CAMK1D: variants seen among roughly 807,000 people sequenced by gnomAD.
The protein encoded by CAMK1D is calcium/calmodulin-dependent protein kinase type 1D.
CAMK1D carries 9 observed loss-of-function variants against 47.7 expected under a neutral mutation model. The observed-to-expected ratio is 0.19, with a 90% CI of 0.11 to 0.33. The LOEUF (loss-of-function observed/expected upper bound fraction) is 0.33, where lower values mean the gene tolerates loss of function less well. CAMK1D is among the 10% of genes least tolerant of loss of function. The pLI is 1.00. For missense variants in CAMK1D, 291 were observed against 488.7 expected (o/e 0.60, Z 3.81); for synonymous variants, 184 against 184.9 (o/e 0.99, Z 0.04).
At chr10:12,463,848 C>T (rs778845067) in intron 1 of CAMK1D, among the ~76,000 whole-genome samples, 27 of 152,058 alleles carry the variant, frequency 1.8e-4, no homozygotes, top group African/African-American at 4.1e-4. Context: ...ATGCTGTTCT[C>T]GTGATAGTGA....
At chr10:12,678,162 C>T (rs1056163276) in intron 3 of CAMK1D, among the ~76,000 whole-genome samples, 5 of 152,100 alleles carry the variant, frequency 3.3e-5, no homozygotes, top group African/African-American at 1.2e-4. Context: ...TTCCTCTTAG[C>T]ACTGCTTTTG....
chr10:12,748,873 G>A (rs1022326669), intron 3 of CAMK1D, among the ~76,000 whole-genome samples: 1 of 152,186 alleles, frequency 6.6e-6, no homozygotes, highest in Non-Finnish European at 1.5e-5. Flanking sequence ...TGCAGTGATC[G>A]TAGCAGTGCA....
At chr10:12,786,709 A>G (rs1454134446) in intron 5 of CAMK1D, among the ~76,000 whole-genome samples, 3 of 152,242 alleles carry the variant, frequency 2.0e-5, no homozygotes, top group Middle Eastern at 3.2e-3. Flanking sequence ...GGCATGAGCC[A>G]CTACATGTAG....
chr10:12,528,451 G>A (rs2132214147), intron 1 of CAMK1D, among the ~76,000 whole-genome samples: 1 of 152,308 alleles, frequency 6.6e-6, no homozygotes, highest in South Asian at 2.1e-4. Context: ...AGAGGTGCCA[G>A]TAGCATTCTA....
At chr10:12,575,324 C>T (rs1447817524) in intron 2 of CAMK1D, among the ~76,000 whole-genome samples, 1 of 152,170 alleles carries the variant, frequency 6.6e-6, no homozygotes. Flanking sequence ...AACTCCTGAC[C>T]TTGTGATCCA....
intron 3 of CAMK1D, among the ~76,000 whole-genome samples, chr10:12,741,395 G>A (rs559709250): frequency 3.3e-5 from 5 of 152,336 alleles, no homozygotes; most frequent in African/African-American, 1.2e-4. Context: ...AGCCAGAAAG[G>A]CACTGACCAC....
intron 2 of CAMK1D, among the ~76,000 whole-genome samples, chr10:12,612,339 CTTTTT>C (rs11333936): frequency 3.3e-5 from 4 of 121,730 alleles, no homozygotes; most frequent in Non-Finnish European, 3.5e-5. Context: ...TAATTAATTA[CTTTTT>C]TTTTTTTTTT....
intron 3 of CAMK1D, among the ~76,000 whole-genome samples, chr10:12,758,205 C>T (rs762410803): frequency 1.3e-5 from 2 of 152,212 alleles, no homozygotes; most frequent in Middle Eastern, 3.4e-3. Flanking sequence ...CACCTCCAAA[C>T]GCCATCATCA....
chr10:12,523,028 C>T (rs557088085), intron 1 of CAMK1D, among the ~76,000 whole-genome samples: 4 of 150,790 alleles, frequency 2.7e-5, no homozygotes, highest in African/African-American at 7.3e-5. Context: ...ACTTCCCAGA[C>T]GGGGTGGCTG....
chr10:12,388,238 G>T (rs1338173256), intron 1 of CAMK1D, among the ~76,000 whole-genome samples: 1 of 152,166 alleles, frequency 6.6e-6, no homozygotes, highest in African/African-American at 2.4e-5. Flanking sequence ...TGTTGGCCAG[G>T]CTGATCTCGA....
chr10:12,602,729 G>A (rs1838338458), intron 2 of CAMK1D, among the ~76,000 whole-genome samples: 1 of 151,932 alleles, frequency 6.6e-6, no homozygotes, highest in African/African-American at 2.4e-5. Context: ...ATTGTTTCAG[G>A]TCCGTAATGG....
At chr10:12,613,284 T>G (rs1166779457) in intron 2 of CAMK1D, among the ~76,000 whole-genome samples, 1 of 152,214 alleles carries the variant, frequency 6.6e-6, no homozygotes, top group Non-Finnish European at 1.5e-5. Context: ...TGGCTCCCTA[T>G]AACGGGCAGC....
intron 1 of CAMK1D, among the ~76,000 whole-genome samples, chr10:12,398,331 T>C (rs977138780): frequency 1.3e-5 from 2 of 152,184 alleles, no homozygotes; most frequent in African/African-American, 2.4e-5. Context: ...GCCTACATAT[T>C]TTCAAAGCTT....
chr10:12,571,549 C>T (rs1168584120), intron 2 of CAMK1D, among the ~76,000 whole-genome samples: 2 of 151,994 alleles, frequency 1.3e-5, no homozygotes, highest in African/African-American at 2.4e-5. Flanking sequence ...AAGCTGGATC[C>T]CCCGGTGATG....
At chr10:12,598,255 G>A (rs772763665) in intron 2 of CAMK1D, among the ~76,000 whole-genome samples, 1 of 152,196 alleles carries the variant, frequency 6.6e-6, no homozygotes, top group Non-Finnish European at 1.5e-5. Flanking sequence ...ATGTGCATCC[G>A]TGGTAGGACA....
At chr10:12,510,540 A>G (rs1007441098) in intron 1 of CAMK1D, among the ~76,000 whole-genome samples, 1 of 152,238 alleles carries the variant, frequency 6.6e-6, no homozygotes, top group Admixed American at 6.5e-5. Context: ...GAACAAGCAC[A>G]TCTGAGAACT....
At chr10:12,543,979 A>G (rs529591362) in intron 1 of CAMK1D, among the ~76,000 whole-genome samples, 1 of 152,326 alleles carries the variant, frequency 6.6e-6, no homozygotes, top group South Asian at 2.1e-4. Context: ...TTCTTTCATC[A>G]CTATGGAAAA....
In CAMK1D at chr10:12,828,856, C is replaced by T. The variant is rs760043332; in HGVS notation, c.1127C>T (p.Thr376Ile). The change falls in exon 11 of 11, where the codon ACT becomes ATT. Residue 376 changes from threonine to isoleucine, a missense_variant. Around this residue, in one of 2 missense-constraint regions of CAMK1D, gnomAD observed 72 missense variants for 64.4 expected, o/e 1.12. Transcript: ENST00000619168. ...VGAERRPRPT[T>I]VTAVHSGSK ...GCCGAGCGGAGACCCAGGCCCACCA[C>T]TGTGACGGCAGTGCACTCTGGAAGC... is the stretch of plus-strand genomic sequence containing the variant. The T allele has an allele frequency of 1.9e-6, 3 of 1,613,458 alleles. No homozygotes were observed. The highest frequency in any genetic ancestry group is 2.5e-6 in the Non-Finnish European group (3 of 1,179,832).
chr10:12,793,886 A>C lies in CAMK1D; in HGVS notation c.641+2653A>C, dbSNP rs2482036. 1.8e-3 allele frequency among the ~76,000 whole-genome samples: 276 copies of C among 152,354 alleles called. 1 individual carries two copies. The highest frequency in any genetic ancestry group is 6.5e-3 in the African/African-American group (270 of 41,580). Reference sequence around the variant, plus strand: ...GGAAGATGTTGGAAAGAGGGCCAGCATGGCTAGATAGTATCAAGACAATAC... The same window carrying C: ...GGAAGATGTTGGAAAGAGGGCCAGCCTGGCTAGATAGTATCAAGACAATAC... On this transcript the variant is annotated intron_variant, in intron 6 of 10. Coordinates refer to ENST00000619168, the MANE Select transcript of CAMK1D (RefSeq NM_153498.4).
Sources: gnomAD v4.1 joint callset for allele counts (sites outside exome capture counted in the v4.1 genomes callset) on GRCh38, gnomAD v4.1.1 for gene constraint, gnomAD v4.1.1 regional missense constraint, MANE v1.5 for transcripts, NCBI Gene and HGNC (gene_info 2026-07-23, HGNC 2026-07-21) for gene names.